Variants in SLC25A48 observed in about 807,000 individuals in gnomAD.
SLC25A48 encodes the protein solute carrier family 25 member 48.
SLC25A48 carries 29 observed loss-of-function variants against 32.2 expected under a neutral mutation model. The ratio of observed to expected loss-of-function variants is 0.90; its 90% CI spans 0.67 to 1.23. The LOEUF (loss-of-function observed/expected upper bound fraction) is 1.23. SLC25A48 is among the 50% of genes most tolerant of loss of function. The pLI, the probability that SLC25A48 is intolerant of heterozygous loss-of-function variation, is 0.00. For missense variants in SLC25A48, 399 were observed against 422.7 expected, an observed-to-expected ratio of 0.94 and a Z score of 0.49; for synonymous variants, 164 against 172.3, an observed-to-expected ratio of 0.95 and a Z score of 0.38.
chr5:135,694,074 G>T (rs996076188), intron 3 of SLC25A48, among the ~76,000 whole-genome samples: 1 of 152,218 alleles, frequency 6.6e-6, no homozygotes, highest in Non-Finnish European at 1.5e-5. Flanking sequence ...CCTGCCAGGG[G>T]TGTCTTCCTA....
chr5:135,738,648 G>T (rs1020710854), intron 3 of SLC25A48, among the ~76,000 whole-genome samples: 1 of 152,200 alleles, frequency 6.6e-6, no homozygotes, highest in Non-Finnish European at 1.5e-5. Context: ...TCTGTGAGAC[G>T]AGTGCTCCGG....
At chr5:135,703,278 AC>A in intron 3 of SLC25A48, among the ~76,000 whole-genome samples, 1 of 152,294 alleles carries the variant, frequency 6.6e-6, no homozygotes, top group East Asian at 1.9e-4. Context: ...ATGTTCAATC[AC>A]TACTCAGGGA....
intron 3 of SLC25A48, among the ~76,000 whole-genome samples, chr5:135,783,071 A>G (rs1756755930): frequency 8.6e-6 from 1 of 116,520 alleles, no homozygotes; most frequent in African/African-American, 2.6e-5. Context: ...AGAGGATGAT[A>G]TTACTTCCAA....
intron 3 of SLC25A48, among the ~76,000 whole-genome samples, chr5:135,756,279 GA>G (rs1256868982): frequency 7.0e-6 from 1 of 142,752 alleles, no homozygotes; most frequent in Non-Finnish European, 1.6e-5. Context: ...ATGATATTAA[GA>G]AAAATATCAT....
At chr5:135,880,220 G>T in intron 7 of SLC25A48, 123 bp downstream of exon 7, 7 of 1,360,934 alleles carry the variant, frequency 5.1e-6, no homozygotes, top group Non-Finnish European at 6.8e-6. Flanking sequence ...TCTAATCTGT[G>T]GTAGGCTGGG....
Position 135,646,820 on chromosome 5 carries a change from T to C in SLC25A48, c.-521+11864T>C, listed in dbSNP as rs1752975071. ...ATGGTGTTTGCCAGTGACTAGGGAG[T>C]GGGGGAAATGGGAAGATGTTGATCT... On this transcript the variant is annotated intron_variant, in intron 3 of 10. Coordinates refer to the SLC25A48 transcript ENST00000646290. Among the ~76,000 whole-genome samples the C allele has an allele frequency of 2.0e-5, 3 of 150,510 alleles. No homozygotes were observed. The South Asian group carries it at 6.3e-4, about 32-fold the overall frequency.
chr5:135,646,673 A>ATATATATATATATATATATATG, intron 3 of SLC25A48, among the ~76,000 whole-genome samples: 1 of 146,768 alleles, frequency 6.8e-6, no homozygotes, highest in African/African-American at 2.5e-5. Flanking sequence ...ATATATATAT[A>ATATATATATATATATATATATG]TATATACAAT....
intron 2 of SLC25A48, among the ~76,000 whole-genome samples, chr5:135,849,605 G>A (rs1759674302): frequency 6.6e-6 from 1 of 152,194 alleles, no homozygotes; most frequent in Non-Finnish European, 1.5e-5. Flanking sequence ...TGGAAGGAAA[G>A]TAACACAGGT....
chr5:135,704,251 A>C (rs533860991), intron 3 of SLC25A48, among the ~76,000 whole-genome samples: 1 of 152,346 alleles, frequency 6.6e-6, no homozygotes, highest in East Asian at 1.9e-4. Context: ...GGCAAATCAG[A>C]CTAAAAACAA....
chr5:135,858,025 G>A (rs1760474960), intron 4 of SLC25A48, among the ~76,000 whole-genome samples: 1 of 152,186 alleles, frequency 6.6e-6, no homozygotes, highest in Non-Finnish European at 1.5e-5. Flanking sequence ...GTGCTGACAT[G>A]TCTCAGGATA....
intron 7 of SLC25A48, chr5:135,883,122 A>G: frequency 8.1e-6 from 8 of 985,464 alleles, no homozygotes; most frequent in Non-Finnish European, 9.6e-6. Flanking sequence ...ATGTGAATTT[A>G]CTGAAGAGAA....
At chr5:135,744,837 T>A (rs1341726328) in intron 3 of SLC25A48, among the ~76,000 whole-genome samples, 1 of 149,922 alleles carries the variant, frequency 6.7e-6, no homozygotes, top group Non-Finnish European at 1.5e-5. Context: ...AGGTCTGGAG[T>A]TCAAGACCAG....
At chr5:135,808,704 G>T (rs543249976) in intron 3 of SLC25A48, among the ~76,000 whole-genome samples, 1 of 152,168 alleles carries the variant, frequency 6.6e-6, no homozygotes, top group African/African-American at 2.4e-5. Context: ...GTTTGCTGTG[G>T]AAATGAAATA....
At chr5:135,835,051 T>C (rs757417392) in intron 1 of SLC25A48, 158 bp downstream of exon 1, 137 of 889,128 alleles carry the variant, frequency 1.5e-4, no homozygotes, top group Non-Finnish European at 2.4e-4. Flanking sequence ...ATCCCCCTGG[T>C]GGTCTTGCAG....
At chr5:135,860,180 A>G (rs910221140) in intron 4 of SLC25A48, among the ~76,000 whole-genome samples, 8 of 152,246 alleles carry the variant, frequency 5.3e-5, no homozygotes, top group African/African-American at 1.9e-4. Context: ...GGTTGCCCCC[A>G]CTGCCATAAT....
Position 135,812,269 on chromosome 5 carries a change from G to A in SLC25A48, c.-520-254G>A, listed in dbSNP as rs1475001646. On this transcript the variant is annotated intron_variant, in intron 3 of 10. Coordinates refer to the SLC25A48 transcript ENST00000646290. ...TGTAACAATCACATCAGGGTAACTG[G>A]AGTATCCATCCCCTCCAGCATTTAT... 5.9e-5 allele frequency among the ~76,000 whole-genome samples: 9 copies of A among 152,082 alleles called. 1 individual carries two copies. Among genetic ancestry groups the A allele is most frequent in the African/African-American group, 1.4e-4 (6 of 41,426 alleles).
chr5:135,798,677 C>T (rs1332967266), intron 3 of SLC25A48, among the ~76,000 whole-genome samples: 9 of 151,544 alleles, frequency 5.9e-5, no homozygotes, highest in Non-Finnish European at 1.0e-4. Flanking sequence ...GATAATATTA[C>T]TCCCTAAATC....
intron 3 of SLC25A48, among the ~76,000 whole-genome samples, chr5:135,710,514 T>C (rs1422550975): frequency 6.6e-6 from 1 of 152,208 alleles, no homozygotes; most frequent in Non-Finnish European, 1.5e-5. Flanking sequence ...AGCCAGACTG[T>C]CTGGGATCAA....
chr5:135,692,626 C>T (rs1754173475), intron 3 of SLC25A48, among the ~76,000 whole-genome samples: 2 of 152,254 alleles, frequency 1.3e-5, no homozygotes, highest in South Asian at 4.1e-4. Flanking sequence ...GAGGAGAAGT[C>T]ACGGGAAAGG....
Sources: allele counts gnomAD v4.1 joint callset (sites outside exome capture counted in the v4.1 genomes callset), GRCh38; gene constraint gnomAD v4.1.1; transcripts MANE v1.5; gene names NCBI Gene and HGNC (gene_info 2026-07-23, HGNC 2026-07-21).